SAMD4A: variants seen among roughly 807,000 people sequenced by gnomAD.
SAMD4A encodes the protein sterile alpha motif domain containing 4A, also known as protein Smaug homolog 1.
SAMD4A carries 33 observed loss-of-function variants against 81.3 expected under a neutral mutation model. That is an observed-to-expected ratio of 0.41 (90% CI 0.31 to 0.54). SAMD4A has a LOEUF of 0.54. Ranked by LOEUF, SAMD4A falls within the 20% of genes least tolerant of loss-of-function variation. The probability of loss-of-function intolerance (pLI) is 0.37; values close to 1 mark genes in which losing one functional copy is unlikely to be tolerated. For synonymous variants in SAMD4A, 389 were observed against 382.1 expected (o/e 1.02, Z -0.21); for missense variants, 854 against 951.1 (o/e 0.90, Z 1.34).
chr14:54,632,833 C>G (rs1040728524), intron 2 of SAMD4A, among the ~76,000 whole-genome samples: 1 of 152,178 alleles, frequency 6.6e-6, no homozygotes, highest in Non-Finnish European at 1.5e-5. Flanking sequence ...GTACTTAACT[C>G]ATAAGGTTGT....
In SAMD4A at chr14:54,736,057, T is replaced by C. The variant is rs142304508; in HGVS notation, c.716-967T>C. Among the ~76,000 whole-genome samples the C allele has an allele frequency of 1.4e-3, 212 of 152,320 alleles. 1 individual carries two copies. In the East Asian group the frequency reaches 0.014, roughly 10 times the overall value. On this transcript the variant is annotated intron_variant, in intron 3 of 12. Coordinates refer to ENST00000554335, the MANE Select transcript of SAMD4A (RefSeq NM_015589.6). ...TGAGAGAATGTTATGAATAGACTTA[T>C]TTTGTAAAGTTGTCACTTTACACAC...
chr14:54,777,676 G>T (rs552007765), intron 11 of SAMD4A, among the ~76,000 whole-genome samples: 17 of 151,954 alleles, frequency 1.1e-4, no homozygotes, highest in East Asian at 3.9e-4. Flanking sequence ...TGATGGGGTG[G>T]GGGGGTAGGC....
At chr14:54,686,275 T>C (rs138787283) in intron 2 of SAMD4A, among the ~76,000 whole-genome samples, 61 of 152,304 alleles carry the variant, frequency 4.0e-4, no homozygotes, top group Admixed American at 5.9e-4. Context: ...CCCAACACAA[T>C]TAGCTTCATT....
At chr14:54,571,045 C>T (rs538902565) in intron 2 of SAMD4A, among the ~76,000 whole-genome samples, 2 of 151,950 alleles carry the variant, frequency 1.3e-5, no homozygotes, top group Non-Finnish European at 2.9e-5. Context: ...AAAAAAATTA[C>T]TAGTAATAGT....
Position 54,728,951 on chromosome 14 carries a change from G to C in SAMD4A, c.716-8073G>C, listed in dbSNP as rs556713676. Among the ~76,000 whole-genome samples, 3 of 152,298 alleles carry C rather than the reference G, an allele frequency of 2.0e-5. No homozygotes were observed. The South Asian group carries it at 6.2e-4, about 32-fold the overall frequency. ...ATCTGGGAGCCTTTAAGCTTCAGTG[G>C]CAGTGAAGGAAGACCTGGCCTGCGG... On this transcript the variant is annotated intron_variant, in intron 3 of 12. Coordinates refer to ENST00000554335, the MANE Select transcript of SAMD4A (RefSeq NM_015589.6).
chr14:54,572,199 G>T (rs556342149), intron 2 of SAMD4A, among the ~76,000 whole-genome samples: 1 of 152,140 alleles, frequency 6.6e-6, no homozygotes, highest in Non-Finnish European at 1.5e-5. Flanking sequence ...AATATCATAG[G>T]TGTTGAAGCA....
intron 8 of SAMD4A, 151 bp downstream of exon 8, chr14:54,764,691 G>C: frequency 1.7e-6 from 1 of 591,942 alleles, no homozygotes; most frequent in Non-Finnish European, 3.0e-6. Context: ...ACTAGGCTAT[G>C]ACAGCCTCAA....
intron 2 of SAMD4A, among the ~76,000 whole-genome samples, chr14:54,635,637 A>ACTTG: frequency 6.6e-6 from 1 of 151,336 alleles, no homozygotes; most frequent in East Asian, 1.9e-4. Flanking sequence ...AATCCCAGCT[A>ACTTG]CTTGGGAGGC....
chr14:54,640,794 G>A (rs958233094), intron 2 of SAMD4A, among the ~76,000 whole-genome samples: 6 of 152,074 alleles, frequency 3.9e-5, no homozygotes, highest in Non-Finnish European at 7.3e-5. Context: ...TGGGCAGGCC[G>A]TGGGGAGAGA....
At chr14:54,683,601 A>C (rs1327033642) in intron 2 of SAMD4A, among the ~76,000 whole-genome samples, 1 of 152,196 alleles carries the variant, frequency 6.6e-6, no homozygotes, top group African/African-American at 2.4e-5. Flanking sequence ...TTTGGATCAG[A>C]AAATGTAGAT....
At chr14:54,634,288 G>C (rs1316900161) in intron 2 of SAMD4A, among the ~76,000 whole-genome samples, 1 of 120,590 alleles carries the variant, frequency 8.3e-6, no homozygotes, top group Admixed American at 8.7e-5. Context: ...TCCATCTCGG[G>C]GGGGTGGGGG....
intron 2 of SAMD4A, among the ~76,000 whole-genome samples, chr14:54,648,733 G>A (rs1031390887): frequency 2.0e-5 from 3 of 152,090 alleles, no homozygotes; most frequent in African/African-American, 7.2e-5. Context: ...GTAAAACTTT[G>A]GGTTATGTTC....
intron 3 of SAMD4A, among the ~76,000 whole-genome samples, chr14:54,710,454 G>C (rs1227517322): frequency 6.6e-6 from 1 of 152,152 alleles, no homozygotes; most frequent in Non-Finnish European, 1.5e-5. Context: ...GAAAGGTTAG[G>C]TAATGTGACC....
At chr14:54,774,245 G>A (rs1031303041) in intron 9 of SAMD4A, among the ~76,000 whole-genome samples, 1 of 152,140 alleles carries the variant, frequency 6.6e-6, no homozygotes, top group Non-Finnish European at 1.5e-5. Context: ...TACTTCTCCA[G>A]CTACAAAGGA....
chr14:54,619,257 TGATA>T lies in SAMD4A; in HGVS notation c.196+51146_196+51149del, dbSNP rs1392386286. Among the ~76,000 whole-genome samples, 9 of 152,338 alleles carry T rather than the reference TGATA, an allele frequency of 5.9e-5. No individual in the cohort carries two copies. The East Asian group carries it at 1.7e-3, about 29-fold the overall frequency. The stretch of plus-strand genomic sequence containing the variant: ...ATGGTTGTTATCAAGACTTTGAAAA[TGATA>T]ACTTTCTTTTCATCCTATCCAAAAT... On this transcript the variant is annotated intron_variant, in intron 2 of 12. Coordinates refer to ENST00000554335, the MANE Select transcript of SAMD4A (RefSeq NM_015589.6).
chr14:54,698,936 T>G (rs1196885343), intron 2 of SAMD4A, among the ~76,000 whole-genome samples: 1 of 152,158 alleles, frequency 6.6e-6, no homozygotes, highest in Non-Finnish European at 1.5e-5. Flanking sequence ...TGATTTTTTT[T>G]TTTTTTAGGT....
In SAMD4A at chr14:54,737,043, C is replaced by T. The variant is rs752520508; in HGVS notation, c.735C>T (p.His245=). Residue 245 remains histidine, a synonymous_variant, in exon 4 of 13, where the codon CAC becomes CAT. Transcript: ENST00000554335. The part of the protein sequence containing the change: ...STSTILSGQA[H]HSPLKRSVSL... ...TTCCAGTTCTCTCAGGCCAGGCACA[C>T]CACAGCCCTTTGAAACGATCTGTGT... is the stretch of plus-strand genomic sequence containing the variant. The T allele has an allele frequency of 1.9e-6, 3 of 1,613,872 alleles. No individual in the cohort carries two copies. Among genetic ancestry groups the T allele is most frequent in the Non-Finnish European group, 2.5e-6 (3 of 1,179,990 alleles).
rs376540632 is a variant in SAMD4A, at chr14:54,702,201, T to C, written c.336T>C (p.Ser112=). The C allele has an allele frequency of 4.7e-5, 76 of 1,614,198 alleles. No homozygotes were observed. Among genetic ancestry groups the C allele is most frequent in the Non-Finnish European group, 6.4e-5 (75 of 1,180,022 alleles). The change falls in exon 3 of 13, where the codon TCT becomes TCC. Residue 112 remains serine, a synonymous_variant. Coordinates refer to ENST00000554335, the MANE Select transcript of SAMD4A (RefSeq NM_015589.6). The part of the protein sequence containing the change: ...MKLLPKILAH[S]IEHNQHIEES... ...TGCTGCCCAAAATCCTGGCTCACTC[T>C]ATTGAACACAACCAGCACATTGAGG...
At chr14:54,657,363 T>C (rs989549979) in intron 2 of SAMD4A, among the ~76,000 whole-genome samples, 13 of 152,226 alleles carry the variant, frequency 8.5e-5, no homozygotes, top group African/African-American at 2.9e-4. Context: ...TGCCTTCCCA[T>C]CTCTTCAAGG....
Sources: allele counts gnomAD v4.1 joint callset (sites outside exome capture counted in the v4.1 genomes callset), GRCh38; gene constraint gnomAD v4.1.1; transcripts MANE v1.5; gene names NCBI Gene and HGNC (gene_info 2026-07-23, HGNC 2026-07-21).